The following PARG variants were observed in gnomAD, a reference collection of about 807,000 sequenced individuals.
PARG encodes poly(ADP-ribose) glycohydrolase.
PARG carries 35 observed loss-of-function variants against 113.0 expected under a neutral mutation model. The observed-to-expected ratio is 0.31, with a 90% confidence interval of 0.24 to 0.41. The LOEUF (loss-of-function observed/expected upper bound fraction) is 0.41. Among genes scored for constraint, PARG ranks in the 10% least tolerant of loss-of-function variants. PARG has a pLI of 1.00. For missense variants in PARG, 797 were observed against 1,169.4 expected, an observed-to-expected ratio of 0.68 and a Z score of 4.64; for synonymous variants, 330 against 409.9, an observed-to-expected ratio of 0.81 and a Z score of 2.36.
At chr10:49,925,251 G>A (rs540020863) in intron 4 of PARG, among the ~76,000 whole-genome samples, 80 of 152,152 alleles carry the variant, frequency 5.3e-4, no homozygotes, top group African/African-American at 1.8e-3. Context: ...CAGGAGAGAA[G>A]TAATGAAGCA....
intron 7 of PARG, among the ~76,000 whole-genome samples, chr10:49,887,543 T>A (rs1847555547): frequency 6.6e-6 from 1 of 152,218 alleles, no homozygotes; most frequent in Admixed American, 6.5e-5. Context: ...CATGGAAACA[T>A]ACAAGTCTTT....
rs376173527 is a variant in PARG, at chr10:49,902,762, G to A, written c.1737+13155C>T. Among the ~76,000 whole-genome samples, 484 of 152,256 alleles carry A rather than the reference G, an allele frequency of 3.2e-3. 4 individuals carry two copies. Among genetic ancestry groups the A allele is most frequent in the South Asian group, 0.019 (94 of 4,824 alleles). ...TCTCAGCACTCTGGGAGGCCAAAGC[G>A]GGAGGATCGCTTAAGGGCAAGTGTT... On this transcript the variant is annotated intron_variant, in intron 7 of 17. Coordinates refer to ENST00000616448, the MANE Select transcript of PARG (RefSeq NM_003631.5).
At chr10:49,919,010 G>A (rs1362608413) in intron 6 of PARG, among the ~76,000 whole-genome samples, 2 of 151,686 alleles carry the variant, frequency 1.3e-5, no homozygotes, top group African/African-American at 2.4e-5. Flanking sequence ...GCATGATCTC[G>A]GCTCACTGCA....
chr10:49,896,844 C>T (rs1354538462), intron 7 of PARG, among the ~76,000 whole-genome samples: 3 of 152,174 alleles, frequency 2.0e-5, no homozygotes, highest in African/African-American at 7.2e-5. Flanking sequence ...CTCCCTCCTC[C>T]TCTCTTATTT....
In PARG at chr10:49,922,403, G is replaced by A. The variant is rs782596557; in HGVS notation, c.1595C>T (p.Ala532Val). The A allele has an allele frequency of 3.1e-6, 5 of 1,607,954 alleles. No individual in the cohort carries two copies. Among genetic ancestry groups the A allele is most frequent in the Non-Finnish European group, 3.4e-6 (4 of 1,177,910 alleles). ...CTGAATGAGCTCCCACCGGCTCCCC[G>A]CAGTTCGCTCACCATTCTTTTGGAA... ...PVEDENGERTAGSRWELIQTA... is the reference protein window; with the variant it reads ...PVEDENGERTVGSRWELIQTA... The change falls in exon 6 of 18, where the codon GCG becomes GTG. Residue 532 changes from alanine to valine, a missense_variant. Around this residue, in one of 5 missense-constraint regions of PARG, gnomAD observed 252 missense variants for 437.4 expected, o/e 0.58. Coordinates refer to ENST00000616448, the MANE Select transcript of PARG (RefSeq NM_003631.5).
At chr10:49,901,377 G>C (rs1296560407) in intron 7 of PARG, among the ~76,000 whole-genome samples, 2 of 151,160 alleles carry the variant, frequency 1.3e-5, no homozygotes, top group African/African-American at 4.9e-5. Context: ...GCCTCCCAAA[G>C]TGCTAGAATT....
At chr10:49,905,045 T>G (rs530382071) in intron 7 of PARG, among the ~76,000 whole-genome samples, 2 of 152,288 alleles carry the variant, frequency 1.3e-5, no homozygotes, top group South Asian at 4.1e-4. Flanking sequence ...AAAGAAACAG[T>G]GACATATGTA....
chr10:49,941,008 G>A (rs1395625125), intron 1 of PARG, among the ~76,000 whole-genome samples: 1 of 152,098 alleles, frequency 6.6e-6, no homozygotes, highest in East Asian at 1.9e-4. Flanking sequence ...ATTAACTTTT[G>A]CTATCGTCTA....
chr10:49,881,394 A>C (rs1459252506), intron 8 of PARG, among the ~76,000 whole-genome samples: 1 of 152,218 alleles, frequency 6.6e-6, no homozygotes, highest in Non-Finnish European at 1.5e-5. Flanking sequence ...ATATTAAACT[A>C]TGTTTTTAAA....
chr10:49,904,247 T>G (rs1218788039), intron 7 of PARG, among the ~76,000 whole-genome samples: 2 of 151,942 alleles, frequency 1.3e-5, no homozygotes, highest in Non-Finnish European at 2.9e-5. Context: ...CAAGGCTAGT[T>G]TTAGGTACTT....
chr10:49,874,271 A>G (rs1167548750), intron 9 of PARG, among the ~76,000 whole-genome samples: 1 of 152,030 alleles, frequency 6.6e-6, no homozygotes, highest in Non-Finnish European at 1.5e-5. Context: ...TGAGTAAGCT[A>G]AGGTACTTGC....
At chr10:49,820,446 G>A (rs997213331) in intron 16 of PARG, among the ~76,000 whole-genome samples, 153 bp from the exon 17 acceptor site, 1 of 152,080 alleles carries the variant, frequency 6.6e-6, no homozygotes. Context: ...ACAAGGCTGG[G>A]CGCGGTGCCT....
intron 16 of PARG, among the ~76,000 whole-genome samples, chr10:49,821,814 G>A (rs182527635): frequency 2.7e-4 from 41 of 152,142 alleles, no homozygotes; most frequent in African/African-American, 9.6e-4. Flanking sequence ...ATAAATGAGC[G>A]TAATTTTAGT....
intron 15 of PARG, among the ~76,000 whole-genome samples, chr10:49,837,189 C>A (rs562474168): frequency 2.4e-4 from 37 of 152,144 alleles, no homozygotes; most frequent in African/African-American, 8.7e-4. Context: ...CTGGATGGAG[C>A]AGACCTTTTC....
At chr10:49,834,806 C>A (rs1294973005) in intron 15 of PARG, among the ~76,000 whole-genome samples, 1 of 152,068 alleles carries the variant, frequency 6.6e-6, no homozygotes, top group African/African-American at 2.4e-5. Flanking sequence ...TGCCACTGCA[C>A]TCCAGCCTGG....
rs1417057892 is a variant in PARG at position 49,941,429 on chromosome 10, C to A, written c.217+80G>T. 2.0e-4 allele frequency: 210 copies of A among 1,067,540 alleles called. 2 individuals are homozygous for A. The highest frequency in any genetic ancestry group is 2.7e-4 in the Non-Finnish European group (193 of 706,870). 66.1% of individuals were successfully genotyped at this position (1,067,540 alleles called of 1,614,324 possible). The stretch of plus-strand genomic sequence containing the variant: ...TGCACACAAGACCAGAAAGGAGTGA[C>A]TGGAGCCCCTGGGTCCTCAGACTGA... On this transcript the variant is annotated intron_variant, in intron 1 of 17. Coordinates refer to ENST00000616448, the MANE Select transcript of PARG (RefSeq NM_003631.5).
intron 1 of PARG, 116 bp from the exon 2 acceptor site, chr10:49,935,258 A>G (rs1310061319): frequency 3.4e-6 from 2 of 591,956 alleles, no homozygotes; most frequent in East Asian, 2.9e-5. Context: ...TAATAACTCA[A>G]GTATTTGCCC....
intron 4 of PARG, among the ~76,000 whole-genome samples, chr10:49,929,996 C>T (rs1397518698): frequency 3.3e-5 from 5 of 151,406 alleles, no homozygotes; most frequent in Non-Finnish European, 7.4e-5. Flanking sequence ...CTCTCTTACA[C>T]ATTATTAAGA....
intron 4 of PARG, among the ~76,000 whole-genome samples, chr10:49,928,011 C>T (rs1554851127): frequency 6.6e-6 from 1 of 151,608 alleles, no homozygotes; most frequent in African/African-American, 2.4e-5. Flanking sequence ...GTGGCTCCCA[C>T]CTGTAATCCC....
Sources: gnomAD v4.1 joint callset for allele counts (sites outside exome capture counted in the v4.1 genomes callset) on GRCh38, gnomAD v4.1.1 for gene constraint, gnomAD v4.1.1 regional missense constraint, MANE v1.5 for transcripts, NCBI Gene and HGNC (gene_info 2026-07-23, HGNC 2026-07-21) for gene names.